NRG3: variants seen among roughly 807,000 people sequenced by gnomAD.
NRG3 encodes neuregulin 3, also known as pro-neuregulin-3, membrane-bound isoform.
In NRG3, 31 loss-of-function variants were observed where a neutral mutation model predicts 66.9. The observed-to-expected ratio is 0.46, with a 90% confidence interval of 0.35 to 0.63. The LOEUF (loss-of-function observed/expected upper bound fraction) is 0.63. Ranked by LOEUF, NRG3 falls within the 20% of genes least tolerant of loss-of-function variation. The pLI, the probability that NRG3 is intolerant of heterozygous loss-of-function variation, is 0.00. For missense variants in NRG3, 910 were observed against 878.9 expected, an observed-to-expected ratio of 1.04 and a Z score of -0.45; for synonymous variants, 393 against 359.4, an observed-to-expected ratio of 1.09 and a Z score of -1.06.
At chr10:82,852,094 A>G (rs1349896857) in intron 3 of NRG3, among the ~76,000 whole-genome samples, 2 of 152,306 alleles carry the variant, frequency 1.3e-5, no homozygotes, top group East Asian at 3.9e-4. Context: ...ATAGCACTGG[A>G]GAAGCAGGAT....
intron 1 of NRG3, among the ~76,000 whole-genome samples, chr10:81,899,817 G>C (rs1309144649): frequency 1.3e-5 from 2 of 152,130 alleles, no homozygotes; most frequent in South Asian, 2.1e-4. Flanking sequence ...TCTGATAGTT[G>C]AATGTTTGTC....
chr10:82,649,226 T>C lies in NRG3; in HGVS notation c.954-89351T>C, dbSNP rs966122914. Among the ~76,000 whole-genome samples the C allele has an allele frequency of 2.0e-5, 3 of 152,200 alleles. No individual in the cohort carries two copies. In the East Asian group the frequency reaches 5.8e-4, roughly 30 times the overall value. On this transcript the variant is annotated intron_variant, in intron 2 of 8. Coordinates refer to ENST00000372141, the MANE Select transcript of NRG3 (RefSeq NM_001010848.4). ...ACATGATTGTAGATCTAGAAAATGT[T>C]TGCATTTCAAAGAGACACCCCTCTA...
intron 1 of NRG3, among the ~76,000 whole-genome samples, chr10:82,242,745 G>A (rs1007997487): frequency 6.6e-6 from 1 of 152,048 alleles, no homozygotes; most frequent in South Asian, 2.1e-4. Flanking sequence ...AAAAAGTGAA[G>A]TACATGTGTT....
chr10:82,086,695 A>G lies in NRG3; in HGVS notation c.823+210532A>G, dbSNP rs559972546. Reference sequence around the variant, plus strand: ...GGCTTCCTGGTTCTGTGAATTATGCATTGGATCTTGGGCAGGAAAAAATAC... The same window carrying G: ...GGCTTCCTGGTTCTGTGAATTATGCGTTGGATCTTGGGCAGGAAAAAATAC... On this transcript the variant is annotated intron_variant, in intron 1 of 8. Transcript: ENST00000372141. 8.4e-4 allele frequency among the ~76,000 whole-genome samples: 128 copies of G among 152,254 alleles called. 2 individuals carry two copies. Among genetic ancestry groups the G allele is most frequent in the Non-Finnish European group, 4.4e-5 (3 of 68,028 alleles).
At chr10:82,914,458 G>A (rs138727281) in intron 4 of NRG3, among the ~76,000 whole-genome samples, 1,656 of 152,206 alleles carry the variant, frequency 0.011, 21 homozygotes, top group Non-Finnish European at 0.016. Flanking sequence ...GTAGCTAGCA[G>A]TCAGTTTTTG....
At chr10:82,660,168 T>A (rs1308815071) in intron 2 of NRG3, among the ~76,000 whole-genome samples, 2 of 108,472 alleles carry the variant, frequency 1.8e-5, no homozygotes, top group Non-Finnish European at 3.4e-5. Context: ...TGCACTCTAG[T>A]GTGGGCGACA....
intron 3 of NRG3, among the ~76,000 whole-genome samples, chr10:82,756,237 C>T (rs1186567010): frequency 2.0e-5 from 3 of 152,066 alleles, no homozygotes; most frequent in Non-Finnish European, 4.4e-5. Flanking sequence ...TGCTCTTCAG[C>T]GTCTGTTTAT....
chr10:82,663,530 G>A (rs1210654642), intron 2 of NRG3, among the ~76,000 whole-genome samples: 5 of 152,076 alleles, frequency 3.3e-5, no homozygotes. Flanking sequence ...AGAATTCTAG[G>A]ATCACCAAGC....
chr10:82,210,112 G>A (rs1249627594), intron 1 of NRG3, among the ~76,000 whole-genome samples: 2 of 152,102 alleles, frequency 1.3e-5, no homozygotes, highest in African/African-American at 4.8e-5. Flanking sequence ...TTGAAACATT[G>A]CTATAACATA....
At chr10:82,641,863 T>C (rs1386415282) in intron 2 of NRG3, among the ~76,000 whole-genome samples, 1 of 152,188 alleles carries the variant, frequency 6.6e-6, no homozygotes, top group Non-Finnish European at 1.5e-5. Context: ...TAAATGTATG[T>C]GGTAAGTGTA....
Position 81,911,474 on chromosome 10 carries a change from AAATGCCCTCTC to A in NRG3, c.823+35312_823+35322del, listed in dbSNP as rs1845139412. 3.9e-5 allele frequency among the ~76,000 whole-genome samples: 6 copies of A among 151,998 alleles called. No homozygotes were observed. In the South Asian group the frequency reaches 6.3e-4, roughly 16 times the overall value. On this transcript the variant is annotated intron_variant, in intron 1 of 8. Coordinates refer to ENST00000372141, the MANE Select transcript of NRG3 (RefSeq NM_001010848.4). ...AGAGAGATTTTTGCAGCTGCAATGGAAATGCCCTCTCGACAGTGTCACTTGCTTTTGGTTTA... is the reference window on the plus strand; with the variant it reads ...AGAGAGATTTTTGCAGCTGCAATGGAGACAGTGTCACTTGCTTTTGGTTTA...
rs150863811 is a variant in NRG3 at position 82,074,737 on chromosome 10, G to A, written c.823+198574G>A. 9.2e-5 allele frequency among the ~76,000 whole-genome samples: 14 copies of A among 152,256 alleles called. No homozygotes were observed. The East Asian group carries it at 1.2e-3, about 13-fold the overall frequency. On this transcript the variant is annotated intron_variant, in intron 1 of 8. Coordinates refer to ENST00000372141, the MANE Select transcript of NRG3 (RefSeq NM_001010848.4). ...CTGTAGTCTTAGCTACTTAGGAGGCGGAAGCAAGAGGATCTCTTGAGCCCA... is the reference window on the plus strand; with the variant it reads ...CTGTAGTCTTAGCTACTTAGGAGGCAGAAGCAAGAGGATCTCTTGAGCCCA...
At chr10:82,568,863 G>T (rs10884943) in intron 2 of NRG3, among the ~76,000 whole-genome samples, 15,502 of 151,604 alleles carry the variant, frequency 0.1, 968 homozygotes, top group South Asian at 0.22. Context: ...CCTTTGGTCT[G>T]TCCAAGCAGA....
intron 1 of NRG3, among the ~76,000 whole-genome samples, chr10:82,338,271 C>G (rs1281304255): frequency 1.3e-5 from 2 of 152,038 alleles, no homozygotes; most frequent in African/African-American, 4.8e-5. Context: ...TTGATCTAGT[C>G]TATGTAATAG....
intron 1 of NRG3, among the ~76,000 whole-genome samples, chr10:81,994,195 A>G (rs886817906): frequency 6.6e-6 from 1 of 152,136 alleles, no homozygotes; most frequent in Non-Finnish European, 1.5e-5. Flanking sequence ...GTATCTTCAA[A>G]TTGTCCAGAA....
intron 1 of NRG3, among the ~76,000 whole-genome samples, chr10:82,176,248 T>G (rs2073022893): frequency 6.6e-6 from 1 of 152,208 alleles, no homozygotes; most frequent in African/African-American, 2.4e-5. Flanking sequence ...TAACCTTATA[T>G]GAAAATGCTG....
rs925963513 is a variant in NRG3 at position 82,115,164 on chromosome 10, T to A, written c.823+239001T>A. On this transcript the variant is annotated intron_variant, in intron 1 of 8. Transcript: ENST00000372141. ...GCTCCTCCTACATCTCTTCTTTTGA[T>A]CCCTAGTCCTTGCTGACCTTCTGTA... 2.0e-5 allele frequency among the ~76,000 whole-genome samples: 3 copies of A among 152,180 alleles called. No homozygotes were observed. The East Asian group carries it at 5.8e-4, about 30-fold the overall frequency.
intron 1 of NRG3, among the ~76,000 whole-genome samples, chr10:82,090,690 C>A (rs2065976675): frequency 6.6e-6 from 1 of 152,106 alleles, no homozygotes; most frequent in African/African-American, 2.4e-5. Context: ...CAACATAAAC[C>A]AGAACTCAGC....
At chr10:82,007,252 C>A (rs1211066768) in intron 1 of NRG3, among the ~76,000 whole-genome samples, 3 of 149,998 alleles carry the variant, frequency 2.0e-5, no homozygotes, top group Non-Finnish European at 4.4e-5. Flanking sequence ...CACTGTCGCC[C>A]AGGTTGGAGT....
Sources: gnomAD v4.1 joint callset for allele counts (sites outside exome capture counted in the v4.1 genomes callset) on GRCh38, gnomAD v4.1.1 for gene constraint, MANE v1.5 for transcripts, NCBI Gene and HGNC (gene_info 2026-07-23, HGNC 2026-07-21) for gene names.